The following SQSTM1 variants were observed in gnomAD, a reference collection of about 807,000 sequenced individuals.
SQSTM1 encodes sequestosome-1.
A neutral mutation model predicts 45.1 loss-of-function variants in SQSTM1; 36 were observed. The ratio of observed to expected loss-of-function variants is 0.80; its 90% confidence interval spans 0.61 to 1.05. The LOEUF is 1.05. Ranked by LOEUF, SQSTM1 falls within the 50% of genes least tolerant of loss-of-function variation. The pLI is 0.00. For missense variants in SQSTM1, 617 were observed against 607.1 expected (o/e 1.02, Z -0.17); for synonymous variants, 290 against 244.3 (o/e 1.19, Z -1.74).
chr5:179,823,594 G>A, intron 2 of SQSTM1: 1 of 555,724 alleles, frequency 1.8e-6, no homozygotes, highest in Non-Finnish European at 3.2e-6. Context: ...CGTGGCGCTT[G>A]GGTGAAGGGC....
Position 179,828,369 on chromosome 5 carries a change from C to CTT in SQSTM1, c.754+3163_754+3164dup, listed in dbSNP as rs57483633. ...TGTTTCAACCTTTTTTTTTTCTTAT[C>CTT]TTTTTTTTTTTTTTTTTTTTTGAGA... On this transcript the variant is annotated intron_variant, in intron 5 of 7. Transcript: ENST00000389805. Among the ~76,000 whole-genome samples the CTT allele has an allele frequency of 6.4e-3, 628 of 98,196 alleles. 1 individual carries two copies. The highest frequency in any genetic ancestry group is 0.011 in the South Asian group (33 of 2,936). 64.4% of individuals were successfully genotyped at this position (98,196 alleles called of 152,430 possible).
Position 179,834,682 on chromosome 5 carries a change from T to C in SQSTM1, c.1165+900T>C, listed in dbSNP as rs155789. 8.1e-4 allele frequency among the ~76,000 whole-genome samples: 124 copies of C among 152,314 alleles called. 1 individual carries two copies. Among genetic ancestry groups the C allele is most frequent in the African/African-American group, 2.7e-3 (114 of 41,558 alleles). ...CATCTTGCACCGCCCTTAATCCATT[T>C]AACCCTGAGTGGACACAGCACATGT... On this transcript the variant is annotated intron_variant, in intron 7 of 7. Transcript: ENST00000389805.
chr5:179,829,584 A>C (rs1758130163), intron 5 of SQSTM1, among the ~76,000 whole-genome samples: 2 of 152,260 alleles, frequency 1.3e-5, no homozygotes, highest in Non-Finnish European at 1.5e-5. Flanking sequence ...GAACAGAATA[A>C]GAAAGTTCTT....
At chr5:179,823,633 TTGC>T in intron 2 of SQSTM1, 1 of 589,300 alleles carries the variant, frequency 1.7e-6, no homozygotes, top group Non-Finnish European at 3.0e-6. Flanking sequence ...ACAGGGCTCC[TTGC>T]TGCTGCTCTG....
At chr5:179,810,475 A>G (rs901072242) in intron 1 of SQSTM1, among the ~76,000 whole-genome samples, 2 of 152,228 alleles carry the variant, frequency 1.3e-5, no homozygotes, top group African/African-American at 2.4e-5. Context: ...ATAGTATTCC[A>G]TGGTGTATAT....
rs141396390 is a variant in SQSTM1, at chr5:179,831,348, T to C, written c.755-1684T>C. ...ACTATGGAGATGCTGTGGGAGAACATAGGGAAAGTTAGCAAATGCAAAGAG... is the reference window on the plus strand; with the variant it reads ...ACTATGGAGATGCTGTGGGAGAACACAGGGAAAGTTAGCAAATGCAAAGAG... On this transcript the variant is annotated intron_variant, in intron 5 of 7. Transcript: ENST00000389805. Among the ~76,000 whole-genome samples, 643 of 152,116 alleles carry C rather than the reference T, an allele frequency of 4.2e-3. 8 individuals are homozygous for C. The highest frequency in any genetic ancestry group is 0.015 in the African/African-American group (608 of 41,496).
intron 1 of SQSTM1, among the ~76,000 whole-genome samples, chr5:179,809,678 C>T (rs559024662): frequency 1.6e-4 from 20 of 122,292 alleles, no homozygotes; most frequent in African/African-American, 5.0e-4. Flanking sequence ...GAGTCTTGCT[C>T]CCTGGCCCAG....
At chr5:179,828,532 G>A (rs541356933) in intron 5 of SQSTM1, among the ~76,000 whole-genome samples, 8 of 151,792 alleles carry the variant, frequency 5.3e-5, no homozygotes, top group Non-Finnish European at 1.2e-4. Flanking sequence ...GCACCATCAC[G>A]CCTGGCTAAT....
intron 5 of SQSTM1, among the ~76,000 whole-genome samples, chr5:179,832,431 G>A (rs900547564): frequency 4.6e-5 from 7 of 152,228 alleles, no homozygotes; most frequent in African/African-American, 1.4e-4. Flanking sequence ...GCGCCTGCAC[G>A]GCCCATCCAC....
Position 179,821,150 on chromosome 5 carries a change from GC to G in SQSTM1, c.205+11del. Reference sequence around the variant, plus strand: ...CCAGGCGCACTACCGCGGTGAGCGGGCCGGGGAGCGGCGGGGGCGGTGACGC... The same window carrying G: ...CCAGGCGCACTACCGCGGTGAGCGGGCGGGGAGCGGCGGGGGCGGTGACGC... On this transcript the variant is annotated intron_variant, in intron 1 of 7. Coordinates refer to ENST00000389805, the MANE Select transcript of SQSTM1 (RefSeq NM_003900.5). 5 of 1,333,630 alleles carry G rather than the reference GC, an allele frequency of 3.7e-6. No homozygotes were observed. Among genetic ancestry groups the G allele is most frequent in the Non-Finnish European group, 4.8e-6 (5 of 1,047,356 alleles). 82.6% of individuals were successfully genotyped at this position (1,333,630 alleles called of 1,614,324 possible).
intron 5 of SQSTM1, 105 bp downstream of exon 5, chr5:179,825,331 C>T: frequency 6.8e-6 from 7 of 1,029,478 alleles, no homozygotes; most frequent in Non-Finnish European, 1.1e-5. Flanking sequence ...GCCCTTGACA[C>T]TGGTGAGGAT....
upstream of SQSTM1, chr5:179,820,248 C>T (rs1272980264): frequency 6.6e-6 from 1 of 152,454 alleles, no homozygotes; most frequent in Non-Finnish European, 1.5e-5. Context: ...ACCACTGACA[C>T]TCAGGAGACC....
At chr5:179,836,046 A>G (rs759290178) in intron 7 of SQSTM1, 24 of 326,160 alleles carry the variant, frequency 7.4e-5, no homozygotes, top group South Asian at 4.4e-4. Flanking sequence ...TGTATCTTGT[A>G]TCCATTCATC....
upstream of SQSTM1, among the ~76,000 whole-genome samples, chr5:179,818,177 A>G (rs551677082): frequency 3.9e-5 from 6 of 152,098 alleles, no homozygotes; most frequent in Admixed American, 3.9e-4. Context: ...AGCCAGGGAA[A>G]AGTCACCAGG....
At chr5:179,833,848 G>C (rs1758366501) in intron 7 of SQSTM1, 66 bp downstream of exon 7, 1 of 1,541,264 alleles carries the variant, frequency 6.5e-7, no homozygotes, top group Non-Finnish European at 8.9e-7. Context: ...GCCCTCCTCT[G>C]ATTTCAGCGA....
intron 7 of SQSTM1, among the ~76,000 whole-genome samples, chr5:179,834,160 G>C (rs977224227): frequency 6.8e-6 from 1 of 146,176 alleles, no homozygotes; most frequent in African/African-American, 2.6e-5. Flanking sequence ...TCTGAGAGGG[G>C]GGGGGGTCAT....
chr5:179,812,021 G>C lies in SQSTM1; in HGVS notation c.-48+339G>C, dbSNP rs1427128521. 3 of 152,192 alleles carry C rather than the reference G, an allele frequency of 2.0e-5. 1 individual carries two copies. The highest frequency in any genetic ancestry group is 4.1e-4 in the South Asian group (2 of 4,826). 9.4% of individuals were successfully genotyped at this position (152,192 alleles called of 1,614,324 possible). ...GGGTTTCACCGTGTTAGCCAGGATGGTCTCGATCTCCTGACTTCATGATCC... is the reference window on the plus strand; with the variant it reads ...GGGTTTCACCGTGTTAGCCAGGATGCTCTCGATCTCCTGACTTCATGATCC... On this transcript the variant is annotated intron_variant, in intron 2 of 5. Coordinates refer to the SQSTM1 transcript ENST00000514093.
At chr5:179,821,423 C>G in intron 1 of SQSTM1, 4 of 612,576 alleles carry the variant, frequency 6.5e-6, no homozygotes, top group South Asian at 6.2e-5. Flanking sequence ...GGGCGTCAGA[C>G]GCCCCGCTCC....
chr5:179,815,417 GAA>G (rs901017500), upstream of SQSTM1, among the ~76,000 whole-genome samples: 1 of 145,690 alleles, frequency 6.9e-6, no homozygotes, highest in Non-Finnish European at 1.5e-5. Context: ...ACTCTGTCTC[GAA>G]AAAAAAAAAG....
Sources: allele counts gnomAD v4.1 joint callset (sites outside exome capture counted in the v4.1 genomes callset), GRCh38; gene constraint gnomAD v4.1.1; transcripts MANE v1.5; gene names NCBI Gene and HGNC (gene_info 2026-07-23, HGNC 2026-07-21).